FLACC1: variants seen among roughly 807,000 people sequenced by gnomAD.
FLACC1 encodes the protein flagellum associated containing coiled-coil domains 1.
FLACC1 carries 66 observed loss-of-function variants against 62.8 expected under a neutral mutation model. The observed-to-expected ratio is 1.05, with a 90% CI of 0.86 to 1.29. FLACC1 has a LOEUF of 1.29. Among genes scored for constraint, FLACC1 ranks in the 50% most tolerant of loss-of-function variants. The pLI, the probability that FLACC1 is intolerant of heterozygous loss-of-function variation, is 0.00. For missense variants in FLACC1, 452 were observed against 489.1 expected (o/e 0.92, Z 0.71); for synonymous variants, 156 against 161.0 (o/e 0.97, Z 0.24).
Position 201,354,248 on chromosome 2 carries a change from G to A in FLACC1, c.-48+2734C>T, listed in dbSNP as rs575940325. ...AAATCTTTAGAGGCTCGTGCTGTGA[G>A]TCCTGTGCTAGATGCTGGTTGGACC... On this transcript the variant is annotated intron_variant, in intron 1 of 14. Transcript: ENST00000392257. 1.1e-4 allele frequency among the ~76,000 whole-genome samples: 17 copies of A among 152,328 alleles called. No homozygotes were observed. In the East Asian group the frequency reaches 3.3e-3, roughly 29 times the overall value.
chr2:201,358,165 A>G (rs1951147436), upstream of FLACC1, among the ~76,000 whole-genome samples: 1 of 152,222 alleles, frequency 6.6e-6, no homozygotes, highest in African/African-American at 2.4e-5. Context: ...CAGTTCTTAT[A>G]CTCAATACAA....
chr2:201,363,676 A>T, the FLACC1 span, among the ~76,000 whole-genome samples: 3 of 152,194 alleles, frequency 2.0e-5, no homozygotes, highest in East Asian at 5.8e-4. Context: ...ATCTCTAGGC[A>T]TTTAGAGCAC....
chr2:201,351,499 G>A, intron 1 of FLACC1, 48 bp from the exon 2 acceptor site: 2 of 911,016 alleles, frequency 2.2e-6, no homozygotes, highest in Non-Finnish European at 3.4e-6. Context: ...TAGAATCAAA[G>A]CAAAAATACA....
chr2:201,319,248 C>A (rs527838813), intron 9 of FLACC1, among the ~76,000 whole-genome samples: 68 of 152,184 alleles, frequency 4.5e-4, no homozygotes, highest in African/African-American at 1.3e-3. Context: ...TAGACAAAAA[C>A]AAGTGGTGGG....
chr2:201,326,476 G>C lies in FLACC1; in HGVS notation c.675+3994C>G, dbSNP rs562390341. On this transcript the variant is annotated intron_variant, in intron 9 of 14. Transcript: ENST00000392257. This position sits in a 1 kb window ranked among gnomAD's most constrained non-coding sequence, Gnocchi z 4.1. ...GATAAACGAATTCAGTGAAGTCTCA[G>C]TTTACAAAATCAGTGTACACATATC... Among the ~76,000 whole-genome samples, 159 of 152,288 alleles carry C rather than the reference G, an allele frequency of 1.0e-3. No individual in the cohort carries two copies. Among genetic ancestry groups the C allele is most frequent in the Middle Eastern group, 6.8e-3 (2 of 294 alleles).
At chr2:201,364,098 A>G in the FLACC1 span, among the ~76,000 whole-genome samples, 1 of 152,196 alleles carries the variant, frequency 6.6e-6, no homozygotes, top group Non-Finnish European at 1.5e-5. Flanking sequence ...ACTCAGTCAC[A>G]TTGGCCATAG....
intron 7 of FLACC1, among the ~76,000 whole-genome samples, chr2:201,340,406 T>G (rs1281759014): frequency 6.6e-6 from 1 of 152,210 alleles, no homozygotes; most frequent in East Asian, 1.9e-4. Flanking sequence ...CTAAAGATTT[T>G]TATCTTTGTG....
intron 5 of FLACC1, 100 bp from the exon 6 acceptor site, chr2:201,344,363 G>C: frequency 3.1e-6 from 3 of 953,244 alleles, no homozygotes; most frequent in Middle Eastern, 2.1e-4. Flanking sequence ...GAGCTGGCCT[G>C]GTGAGAGCTG....
chr2:201,356,040 C>T (rs977021412), intron 1 of FLACC1, among the ~76,000 whole-genome samples: 4 of 152,118 alleles, frequency 2.6e-5, no homozygotes, highest in African/African-American at 7.2e-5. Context: ...CCCTTAGTTG[C>T]TGAATCATGA....
chr2:201,346,089 T>G lies in FLACC1; in HGVS notation c.368+453A>C, dbSNP rs946426666. ...TTGAGGCGTGAGAATAGCTTAAACC[T>G]GGGAGGCAGAAGTTGCAGTGAGCTG... On this transcript the variant is annotated intron_variant, in intron 5 of 14. Transcript: ENST00000392257. The surrounding 1 kb of genome is among the most constrained non-coding windows in gnomAD (Gnocchi z 4.0). 1.3e-5 allele frequency among the ~76,000 whole-genome samples: 2 copies of G among 151,996 alleles called. No homozygotes were observed. Among genetic ancestry groups the G allele is most frequent in the Non-Finnish European group, 2.9e-5 (2 of 67,990 alleles).
chr2:201,306,814 A>C (rs1950116530), intron 11 of FLACC1, among the ~76,000 whole-genome samples: 1 of 152,244 alleles, frequency 6.6e-6, no homozygotes. Context: ...ACAATATAAA[A>C]GTACTCCTAC....
At chr2:201,353,723 G>A (rs539716127) in intron 1 of FLACC1, among the ~76,000 whole-genome samples, 188 of 152,198 alleles carry the variant, frequency 1.2e-3, no homozygotes, top group Non-Finnish European at 2.4e-3. Context: ...GTAGGTGTAG[G>A]CCTCCAGCCT....
At chr2:201,301,712 A>C (rs901893289) in intron 11 of FLACC1, among the ~76,000 whole-genome samples, 1 of 152,280 alleles carries the variant, frequency 6.6e-6, no homozygotes, top group African/African-American at 2.4e-5. Context: ...AGGGAAGCCC[A>C]TCAGACTAAC....
At chr2:201,309,903 C>G (rs1950182427) in intron 9 of FLACC1, among the ~76,000 whole-genome samples, 3 of 30,672 alleles carry the variant, frequency 9.8e-5, no homozygotes, top group Non-Finnish European at 2.0e-4. Flanking sequence ...GAGACTCTGT[C>G]TCAAAAAAAA....
rs190667436 is a variant in FLACC1, at chr2:201,305,527, G to A, written c.879+1992C>T. 3.9e-5 allele frequency among the ~76,000 whole-genome samples: 6 copies of A among 152,312 alleles called. No individual in the cohort carries two copies. The East Asian group carries it at 1.2e-3, about 29-fold the overall frequency. On this transcript the variant is annotated intron_variant, in intron 11 of 14. Coordinates refer to ENST00000392257, the MANE Select transcript of FLACC1 (RefSeq NM_001127391.3). ...CAACCATTGTGGAAGACAGTGTGGC[G>A]ATTCCTCAAGGGTCTAGAACTAGAA...
In FLACC1 at chr2:201,350,765, G is replaced by T. The variant is rs746438154; in HGVS notation, c.131C>A (p.Pro44Gln). Residue 44 changes from proline (P) to glutamine (Q), a missense_variant, in exon 3 of 15, where the codon CCA becomes CAA. Coordinates refer to ENST00000392257, the MANE Select transcript of FLACC1 (RefSeq NM_001127391.3). ...TGSSKLTPLV[P>Q]APKNHNYLQP... is the part of the protein sequence containing the mutation. ...GAGGTAATTGTGATTTTTTGGAGCT[G>T]GTACAAGAGGAGTTAGCCTGAAAGT... 6.2e-7 allele frequency: 1 copy of T among 1,613,164 alleles called. No homozygotes were observed. Among genetic ancestry groups the T allele is most frequent in the Middle Eastern group, 1.7e-4 (1 of 6,058 alleles).
At chr2:201,336,496 T>C (rs981542472) in intron 7 of FLACC1, among the ~76,000 whole-genome samples, 1 of 152,204 alleles carries the variant, frequency 6.6e-6, no homozygotes. Context: ...TTTGGTAGAA[T>C]GATTTACATT....
In FLACC1 at chr2:201,350,763, C is replaced by G. The variant is rs781721800; in HGVS notation, c.133G>C (p.Ala45Pro). 9 of 1,613,368 alleles carry G rather than the reference C, an allele frequency of 5.6e-6. No homozygotes were observed. The highest frequency in any genetic ancestry group is 7.6e-6 in the Non-Finnish European group (9 of 1,179,466). The change falls in exon 3 of 15, where the codon GCT (alanine) becomes CCT (proline). Residue 45 changes from alanine to proline, a missense_variant. Coordinates refer to ENST00000392257, the MANE Select transcript of FLACC1 (RefSeq NM_001127391.3). ...TGGAGGTAATTGTGATTTTTTGGAG[C>G]TGGTACAAGAGGAGTTAGCCTGAAA... The part of the protein sequence containing the change: ...GSSKLTPLVP[A>P]PKNHNYLQPT...
At chr2:201,359,110 G>A (rs1193596924), upstream of FLACC1, among the ~76,000 whole-genome samples, 1 of 152,222 alleles carries the variant, frequency 6.6e-6, no homozygotes, top group Non-Finnish European at 1.5e-5. Context: ...TGGGGATGGA[G>A]AGAAGACATG....
Sources: gnomAD v4.1 joint callset for allele counts (sites outside exome capture counted in the v4.1 genomes callset) on GRCh38, gnomAD v4.1.1 for gene constraint, Gnocchi (gnomAD v3.1) non-coding constraint, MANE v1.5 for transcripts, NCBI Gene and HGNC (gene_info 2026-07-23, HGNC 2026-07-21) for gene names.